The following DPP6 variants were observed in gnomAD, a reference collection of about 807,000 sequenced individuals.
DPP6 encodes the protein dipeptidyl peptidase like 6, also known as A-type potassium channel modulatory protein DPP6.
Under a neutral mutation model 122.6 loss-of-function variants are expected in DPP6, and 69 were observed. The ratio of observed to expected loss-of-function variants is 0.56; its 90% CI spans 0.46 to 0.69. DPP6 has a LOEUF of 0.69. Among genes scored for constraint, DPP6 ranks in the 30% least tolerant of loss-of-function variants. DPP6 has a pLI of 0.00. For synonymous variants in DPP6, 418 were observed against 433.1 expected, an observed-to-expected ratio of 0.97 and a Z score of 0.43; for missense variants, 928 against 1,116.9, an observed-to-expected ratio of 0.83 and a Z score of 2.41.
chr7:153,929,351 G>A (rs141651021), intron 1 of DPP6, among the ~76,000 whole-genome samples: 5 of 152,172 alleles, frequency 3.3e-5, no homozygotes, highest in Admixed American at 3.3e-4. Flanking sequence ...GCAACTGGAA[G>A]AATGCAGTTG....
In DPP6 at chr7:154,475,369, C is replaced by T. The variant is rs542859007; in HGVS notation, c.457+332C>T. On this transcript the variant is annotated intron_variant, in intron 3 of 25. Coordinates refer to ENST00000377770, the MANE Select transcript of DPP6 (RefSeq NM_130797.4). ...GTGGGGTGTTGCTTAGCAACAGGAA[C>T]AGTGCAGGGCACGGTGAGCTTTCCT... The T allele has an allele frequency of 1.5e-5, 5 of 340,836 alleles. No homozygotes were observed. The East Asian group carries it at 3.7e-4, about 26-fold the overall frequency. The allele number at this position is 340,836 out of a possible 1,614,324, so 21.1% of individuals were successfully genotyped here.
intron 1 of DPP6, among the ~76,000 whole-genome samples, chr7:154,188,232 C>T (rs1798445165): frequency 6.6e-6 from 1 of 152,080 alleles, no homozygotes; most frequent in Admixed American, 6.5e-5. Flanking sequence ...TCGGGAACCA[C>T]TGAATTAAAT....
At chr7:154,170,880 A>G (rs1195218955) in intron 1 of DPP6, among the ~76,000 whole-genome samples, 1 of 152,046 alleles carries the variant, frequency 6.6e-6, no homozygotes, top group Non-Finnish European at 1.5e-5. Flanking sequence ...ACGGTAGGAG[A>G]TGGGTCTTCC....
In DPP6 at chr7:154,419,215, G is replaced by A. The variant is rs564851473; in HGVS notation, c.244-26999G>A. On this transcript the variant is annotated intron_variant, in intron 1 of 25. Coordinates refer to ENST00000377770, the MANE Select transcript of DPP6 (RefSeq NM_130797.4). ...TCTTTCCTTGAATGGGCGTTTGCAT[G>A]TTTCAACACGCTGGAAGGTTACCTT... Among the ~76,000 whole-genome samples, 6 of 152,298 alleles carry A rather than the reference G, an allele frequency of 3.9e-5. No homozygotes were observed. In the South Asian group the frequency reaches 1.2e-3, roughly 32 times the overall value.
rs536270832 is a variant in DPP6 at position 154,769,601 on chromosome 7, C to T, written c.1038+30C>T. On this transcript the variant is annotated intron_variant, in intron 9 of 25. Coordinates refer to ENST00000377770, the MANE Select transcript of DPP6 (RefSeq NM_130797.4). ...GCAAAGGGACACCGCACAGCAAATT[C>T]TTTATATTATTCATGAACACCCCAA... 3.2e-6 allele frequency: 5 copies of T among 1,540,104 alleles called. No individual in the cohort carries two copies. In the African/African-American group the frequency reaches 6.9e-5, roughly 21 times the overall value.
chr7:153,976,347 G>A (rs1192358271), intron 1 of DPP6, among the ~76,000 whole-genome samples: 1 of 152,126 alleles, frequency 6.6e-6, no homozygotes, highest in Admixed American at 6.5e-5. Context: ...AGACAACAGT[G>A]TGGAAATCTG....
intron 7 of DPP6, among the ~76,000 whole-genome samples, chr7:154,673,931 A>G (rs1277066395): frequency 1.3e-5 from 2 of 150,958 alleles, no homozygotes; most frequent in Non-Finnish European, 2.9e-5. Flanking sequence ...GGCCGGAGTG[A>G]ATGTTGCGAT....
intron 6 of DPP6, among the ~76,000 whole-genome samples, chr7:154,665,969 A>T (rs1245071157): frequency 6.6e-6 from 1 of 151,916 alleles, no homozygotes. Context: ...TGGGAGAAAC[A>T]AATTTACTCA....
At chr7:154,665,380 G>A (rs1026625095) in intron 6 of DPP6, among the ~76,000 whole-genome samples, 1 of 152,054 alleles carries the variant, frequency 6.6e-6, no homozygotes, top group African/African-American at 2.4e-5. Context: ...TATTCTATGG[G>A]TTAATCCAGT....
intron 1 of DPP6, among the ~76,000 whole-genome samples, chr7:154,096,999 T>G (rs528978129): frequency 2.5e-4 from 38 of 152,354 alleles, no homozygotes; most frequent in African/African-American, 8.7e-4. Context: ...GTATTCACCG[T>G]GTGCTCCCCT....
intron 1 of DPP6, among the ~76,000 whole-genome samples, chr7:154,376,071 G>T (rs1813104348): frequency 6.6e-6 from 1 of 152,012 alleles, no homozygotes; most frequent in South Asian, 2.1e-4. Flanking sequence ...GAAACCGTGT[G>T]CATTTGCACT....
chr7:154,589,346 C>T (rs775594274), intron 5 of DPP6, among the ~76,000 whole-genome samples: 3 of 152,198 alleles, frequency 2.0e-5, no homozygotes, highest in African/African-American at 4.8e-5. Flanking sequence ...TCCTTGCTCT[C>T]GTGACTTTGT....
chr7:154,694,829 G>A (rs62475220), intron 7 of DPP6, among the ~76,000 whole-genome samples: 14,411 of 152,134 alleles, frequency 0.095, 767 homozygotes, highest in African/African-American at 0.13. Context: ...TCCCGGGTAA[G>A]CGGGATGGTT....
At chr7:153,828,468 A>G in the DPP6 span, among the ~76,000 whole-genome samples, 1 of 152,210 alleles carries the variant, frequency 6.6e-6, no homozygotes, top group African/African-American at 2.4e-5. Flanking sequence ...CTGTGAATCT[A>G]TCATTGTTTT....
intron 13 of DPP6, 82 bp downstream of exon 13, chr7:154,801,544 A>G (rs1025040023): frequency 6.8e-6 from 10 of 1,460,992 alleles, no homozygotes; most frequent in Admixed American, 5.3e-5. Flanking sequence ...GGCTGGGCAC[A>G]CTTGCGTTTT....
intron 5 of DPP6, among the ~76,000 whole-genome samples, chr7:154,585,106 ACAGAC>A (rs772237795): frequency 8.3e-5 from 8 of 96,796 alleles, no homozygotes; most frequent in Non-Finnish European, 1.2e-4. Context: ...CCTGGCAGCC[ACAGAC>A]CTGTCTACAG....
chr7:154,492,912 A>G (rs1241170861), intron 3 of DPP6, among the ~76,000 whole-genome samples: 1 of 152,228 alleles, frequency 6.6e-6, no homozygotes, highest in Non-Finnish European at 1.5e-5. Context: ...GTTTTAAACG[A>G]GTCCAGAACT....
intron 16 of DPP6, among the ~76,000 whole-genome samples, chr7:154,851,572 T>C (rs1802385231): frequency 6.6e-6 from 1 of 152,220 alleles, no homozygotes; most frequent in African/African-American, 2.4e-5. Flanking sequence ...AACTGGCATT[T>C]AAATCTCTTT....
intron 8 of DPP6, among the ~76,000 whole-genome samples, chr7:154,758,544 G>C (rs1464810398): frequency 2.6e-5 from 4 of 151,842 alleles, no homozygotes; most frequent in African/African-American, 9.7e-5. Flanking sequence ...GCTAATTTTT[G>C]TATTTTTAGT....
Sources: gnomAD v4.1 joint callset for allele counts (sites outside exome capture counted in the v4.1 genomes callset) on GRCh38, gnomAD v4.1.1 for gene constraint, MANE v1.5 for transcripts, NCBI Gene and HGNC (gene_info 2026-07-23, HGNC 2026-07-21) for gene names.